The following GNG2 variants were observed in gnomAD, a reference collection of about 807,000 sequenced individuals.
The protein encoded by GNG2 is G protein subunit gamma 2, also known as guanine nucleotide-binding protein G(I)/G(S)/G(O) subunit gamma-2.
In GNG2, 5 loss-of-function variants were observed where a neutral mutation model predicts 5.5. That is an observed-to-expected ratio of 0.91 (90% confidence interval 0.48 to 1.92). The LOEUF (loss-of-function observed/expected upper bound fraction) is 1.92, where lower values mean the gene tolerates loss of function less well. Ranked by LOEUF, GNG2 falls within the 30% of genes most tolerant of loss-of-function variation. GNG2 has a pLI of 0.01. For missense variants in GNG2, 55 were observed against 88.4 expected, an observed-to-expected ratio of 0.62 and a Z score of 1.52; for synonymous variants, 28 against 32.0, an observed-to-expected ratio of 0.88 and a Z score of 0.42.
chr14:51,853,284 A>G lies in GNG2; in HGVS notation c.64+25477A>G, dbSNP rs143839930. Among the ~76,000 whole-genome samples the G allele has an allele frequency of 8.1e-4, 124 of 152,334 alleles. 1 individual carries two copies. The highest frequency in any genetic ancestry group is 2.8e-3 in the African/African-American group (117 of 41,576). The stretch of plus-strand genomic sequence containing the variant: ...CTGAAGATGAAGAGATGCGAGACCT[A>G]GCCCTTGCCCTCAGGGAGTGGCAGG... On this transcript the variant is annotated intron_variant, in intron 2 of 3. Coordinates refer to the GNG2 transcript ENST00000553432.
At chr14:51,899,421 A>G (rs1885408896) in intron 2 of GNG2, among the ~76,000 whole-genome samples, 1 of 152,244 alleles carries the variant, frequency 6.6e-6, no homozygotes, top group African/African-American at 2.4e-5. Flanking sequence ...GGATAGAGAA[A>G]GGAAAATAAA....
chr14:51,926,629 G>C (rs1299978228), intron 2 of GNG2, among the ~76,000 whole-genome samples: 2 of 152,158 alleles, frequency 1.3e-5, no homozygotes, highest in African/African-American at 4.8e-5. Context: ...CGCTGGGGTG[G>C]AGCCTCAGGA....
At chr14:51,900,565 CTAGTA>C (rs927794019) in intron 2 of GNG2, among the ~76,000 whole-genome samples, 1 of 148,984 alleles carries the variant, frequency 6.7e-6, no homozygotes, top group African/African-American at 2.5e-5. Context: ...AACCTAGGAT[CTAGTA>C]TGACATTGAA....
chr14:51,877,749 A>T, intron 2 of GNG2, 92 bp downstream of exon 2: 1 of 383,242 alleles, frequency 2.6e-6, no homozygotes, highest in South Asian at 1.9e-5. Context: ...AGATGAAAGC[A>T]TGTGATGTTT....
chr14:51,951,202 T>G (rs56756007), intron 3 of GNG2, among the ~76,000 whole-genome samples: 7,746 of 152,270 alleles, frequency 0.051, 452 homozygotes, highest in East Asian at 0.14. Flanking sequence ...ATAAGTTTTT[T>G]CTTCTTTATA....
At chr14:51,879,505 C>G (rs2140137850) in intron 2 of GNG2, among the ~76,000 whole-genome samples, 1 of 152,276 alleles carries the variant, frequency 6.6e-6, no homozygotes, top group East Asian at 1.9e-4. Context: ...TAGAACAACA[C>G]AAATGTATTA....
At chr14:51,942,687 G>A (rs1208101915) in intron 2 of GNG2, among the ~76,000 whole-genome samples, 1 of 146,804 alleles carries the variant, frequency 6.8e-6, no homozygotes, top group East Asian at 2.0e-4. Context: ...GCGCCCCCAA[G>A]TAGCTGGGAT....
intron 2 of GNG2, among the ~76,000 whole-genome samples, chr14:51,879,211 C>A (rs1883879385): frequency 6.6e-6 from 1 of 152,188 alleles, no homozygotes; most frequent in African/African-American, 2.4e-5. Flanking sequence ...TCAGTAGTTC[C>A]TTATGTAAGT....
chr14:51,881,728 G>GTTTTTTTTTTTTTT (rs1555351111), intron 2 of GNG2, among the ~76,000 whole-genome samples: 1 of 79,508 alleles, frequency 1.3e-5, no homozygotes, highest in African/African-American at 4.9e-5. Context: ...TTTTTTTAAC[G>GTTTTTTTTTTTTTT]TATTTAATAG....
intron 2 of GNG2, among the ~76,000 whole-genome samples, chr14:51,948,143 G>T (rs1426548594): frequency 6.6e-6 from 1 of 152,186 alleles, no homozygotes; most frequent in Admixed American, 6.5e-5. Context: ...ATATCTCATT[G>T]GCCAAAACTT....
intron 2 of GNG2, among the ~76,000 whole-genome samples, chr14:51,845,743 C>T (rs998712590): frequency 2.6e-5 from 4 of 152,104 alleles, no homozygotes; most frequent in Admixed American, 1.3e-4. Context: ...GTTCTTGAAC[C>T]TAAGATTTTG....
chr14:51,871,343 G>A (rs1450178112), intron 1 of GNG2, among the ~76,000 whole-genome samples: 8 of 123,720 alleles, frequency 6.5e-5, no homozygotes, highest in Non-Finnish European at 1.1e-4. Context: ...AAAAAAAAAA[G>A]GTCCAACTAG....
intron 2 of GNG2, among the ~76,000 whole-genome samples, chr14:51,882,992 A>G (rs913464294): frequency 6.0e-5 from 9 of 149,942 alleles, no homozygotes; most frequent in Non-Finnish European, 4.4e-5. Context: ...CCTGGGTGAC[A>G]GAGCGAGACT....
At chr14:51,942,597 T>TTCTTTCTTTCTTTCTTTCTTTCTTTC (rs1888403996) in intron 2 of GNG2, among the ~76,000 whole-genome samples, 5 of 9,030 alleles carry the variant, frequency 5.5e-4, no homozygotes, top group Non-Finnish European at 7.1e-4. Flanking sequence ...TTCTTTTTTT[T>TTCTTTCTTTCTTTCTTTCTTTCTTTC]TTTTTTTTTA....
intron 3 of GNG2, among the ~76,000 whole-genome samples, chr14:51,965,456 C>G (rs12433696): frequency 2.0e-4 from 30 of 152,010 alleles, no homozygotes; most frequent in African/African-American, 7.0e-4. Context: ...ACTAAATCCA[C>G]GCTCTAATGT....
chr14:51,895,830 A>T (rs1240604454), intron 2 of GNG2, among the ~76,000 whole-genome samples: 1 of 152,162 alleles, frequency 6.6e-6, no homozygotes, highest in African/African-American at 2.4e-5. Flanking sequence ...TGTTCTTGCG[A>T]TAGTGAATGG....
intron 1 of GNG2, among the ~76,000 whole-genome samples, chr14:51,866,811 G>A (rs759630842): frequency 6.6e-6 from 1 of 152,178 alleles, no homozygotes; most frequent in Non-Finnish European, 1.5e-5. Flanking sequence ...TGGGGATCAG[G>A]TTCCAACATA....
At chr14:51,929,764 G>A (rs973817373) in intron 2 of GNG2, among the ~76,000 whole-genome samples, 15 of 152,162 alleles carry the variant, frequency 9.9e-5, no homozygotes, top group African/African-American at 3.6e-4. Context: ...CCTTGGTAGG[G>A]TGGAACACAC....
At chr14:51,961,457 G>T (rs1393093426) in intron 3 of GNG2, among the ~76,000 whole-genome samples, 1 of 152,158 alleles carries the variant, frequency 6.6e-6, no homozygotes, top group Non-Finnish European at 1.5e-5. Context: ...CTGATTATAC[G>T]GTAGTAAATA....
Sources: gnomAD v4.1 joint callset for allele counts (sites outside exome capture counted in the v4.1 genomes callset) on GRCh38, gnomAD v4.1.1 for gene constraint, MANE v1.5 for transcripts, NCBI Gene and HGNC (gene_info 2026-07-23, HGNC 2026-07-21) for gene names.